The following DLG2 variants were observed in gnomAD, a reference collection of about 807,000 sequenced individuals.
The protein encoded by DLG2 is disks large homolog 2.
Under a neutral mutation model 132.5 loss-of-function variants are expected in DLG2, and 45 were observed. That is an observed-to-expected ratio of 0.34 (90% CI 0.27 to 0.44). The LOEUF (loss-of-function observed/expected upper bound fraction) is 0.44, where lower values mean the gene tolerates loss of function less well. Among genes scored for constraint, DLG2 ranks in the 20% least tolerant of loss-of-function variants. DLG2 has a pLI of 1.00. For synonymous variants in DLG2, 424 were observed against 419.6 expected, an observed-to-expected ratio of 1.01 and a Z score of -0.13; for missense variants, 1,045 against 1,196.9, an observed-to-expected ratio of 0.87 and a Z score of 1.87.
chr11:84,397,529 G>C (rs1394855265), intron 7 of DLG2, among the ~76,000 whole-genome samples: 1 of 152,198 alleles, frequency 6.6e-6, no homozygotes, highest in African/African-American at 2.4e-5. Flanking sequence ...GAAACCACTT[G>C]TGCAATTCTC....
rs566825994 is a variant in DLG2, at chr11:84,319,711, G to A, written c.520-68420C>T. On this transcript the variant is annotated intron_variant, in intron 7 of 27. Coordinates refer to ENST00000376104, the MANE Select transcript of DLG2 (RefSeq NM_001142699.3). Reference sequence around the variant, plus strand: ...TGCGCAATTTCTTCCCATCACAAGGGCCACAGAATTTCTATTTTAATAACT... The same window carrying A: ...TGCGCAATTTCTTCCCATCACAAGGACCACAGAATTTCTATTTTAATAACT... Among the ~76,000 whole-genome samples, 6 of 152,186 alleles carry A rather than the reference G, an allele frequency of 3.9e-5. 1 individual carries two copies. The South Asian group carries it at 1.0e-3, about 26-fold the overall frequency.
intron 19 of DLG2, among the ~76,000 whole-genome samples, chr11:83,613,275 C>A (rs2060364291): frequency 6.6e-6 from 1 of 152,174 alleles, no homozygotes; most frequent in Admixed American, 6.5e-5. Flanking sequence ...CTAGTTGTAC[C>A]TGAATTTACT....
At chr11:83,574,434 TG>T (rs2096843873) in intron 19 of DLG2, among the ~76,000 whole-genome samples, 2 of 152,186 alleles carry the variant, frequency 1.3e-5, no homozygotes, top group East Asian at 3.8e-4. Flanking sequence ...TTTTTAAGGT[TG>T]GAAATAAATG....
intron 11 of DLG2, among the ~76,000 whole-genome samples, chr11:84,006,507 TTTAAGTATTTACAATAAATAC>T (rs964216231): frequency 6.6e-6 from 1 of 150,690 alleles, no homozygotes; most frequent in South Asian, 2.1e-4. Flanking sequence ...TATTTAACAC[TTTAAGTATTTACAATAAATAC>T]TTAAGTATTT....
At chr11:83,483,373 G>A in intron 22 of DLG2, 2 of 1,143,800 alleles carry the variant, frequency 1.7e-6, no homozygotes, top group Admixed American at 3.4e-5. Context: ...AGTCAGTGGA[G>A]TTGAAATGAA....
chr11:83,569,132 A>T (rs1565845232), intron 19 of DLG2, among the ~76,000 whole-genome samples: 1 of 152,196 alleles, frequency 6.6e-6, no homozygotes, highest in African/African-American at 2.4e-5. Flanking sequence ...CTGAAATATC[A>T]TTAATAAATT....
chr11:85,201,213 C>T (rs1470455337), intron 4 of DLG2, among the ~76,000 whole-genome samples: 4 of 152,234 alleles, frequency 2.6e-5, no homozygotes, highest in Non-Finnish European at 4.4e-5. Flanking sequence ...GCCCCACCCA[C>T]TACAGTAGGG....
chr11:83,989,692 AG>A (rs2093593963), intron 11 of DLG2, among the ~76,000 whole-genome samples: 1 of 152,200 alleles, frequency 6.6e-6, no homozygotes, highest in African/African-American at 2.4e-5. Flanking sequence ...TATGTCACAC[AG>A]GGCTAATAAA....
rs1160116150 is a variant in DLG2 at position 84,386,676 on chromosome 11, T to C, written c.520-135385A>G. Among the ~76,000 whole-genome samples the C allele has an allele frequency of 3.3e-5, 5 of 152,268 alleles. No individual in the cohort carries two copies. In the East Asian group the frequency reaches 7.7e-4, roughly 24 times the overall value. ...ACTGTTAGTGCCAGGTCAGGTAATA[T>C]GTTGATGCATTTTTTTCTTTGCAAA... is the stretch of plus-strand genomic sequence containing the variant. On this transcript the variant is annotated intron_variant, in intron 7 of 27. Coordinates refer to ENST00000376104, the MANE Select transcript of DLG2 (RefSeq NM_001142699.3).
At chr11:84,092,281 T>C (rs1595057728) in intron 10 of DLG2, among the ~76,000 whole-genome samples, 2 of 152,212 alleles carry the variant, frequency 1.3e-5, no homozygotes, top group African/African-American at 4.8e-5. Flanking sequence ...GTGGCTGAGG[T>C]TCAGCATTCT....
chr11:83,486,396 C>T (rs1252705251), intron 21 of DLG2: 9 of 560,544 alleles, frequency 1.6e-5, no homozygotes, highest in Non-Finnish European at 2.5e-5. Flanking sequence ...AAAACAATGC[C>T]AAGAGGAGTA....
At chr11:84,361,661 T>C (rs1471943521) in intron 7 of DLG2, among the ~76,000 whole-genome samples, 2 of 152,102 alleles carry the variant, frequency 1.3e-5, no homozygotes, top group Non-Finnish European at 2.9e-5. Context: ...AATATCCAGG[T>C]ACTTATATTT....
intron 17 of DLG2, among the ~76,000 whole-genome samples, chr11:83,787,157 A>T (rs2040154251): frequency 6.6e-6 from 1 of 152,072 alleles, no homozygotes; most frequent in South Asian, 2.1e-4. Flanking sequence ...AGACACATGT[A>T]ATGTAAATAG....
chr11:84,317,125 C>T (rs1343903111), intron 7 of DLG2: 2 of 1,612,424 alleles, frequency 1.2e-6, no homozygotes, highest in Non-Finnish European at 8.5e-7. Context: ...AGCTGTGTTG[C>T]TTGGTGAGGT....
chr11:83,536,207 A>G (rs1225990735), intron 20 of DLG2, among the ~76,000 whole-genome samples: 1 of 152,172 alleles, frequency 6.6e-6, no homozygotes, highest in African/African-American at 2.4e-5. Flanking sequence ...TAAATAAACC[A>G]CAACCAAATT....
chr11:85,283,313 GA>G (rs2078351211), intron 4 of DLG2, among the ~76,000 whole-genome samples: 1 of 151,388 alleles, frequency 6.6e-6, no homozygotes, highest in East Asian at 1.9e-4. Context: ...TCAAGGCAAT[GA>G]AAGCCTAGAA....
At chr11:84,109,321 G>C (rs1457236620) in intron 9 of DLG2, among the ~76,000 whole-genome samples, 1 of 152,122 alleles carries the variant, frequency 6.6e-6, no homozygotes, top group Non-Finnish European at 1.5e-5. Flanking sequence ...TTTTCTGAGT[G>C]ACAGACCTAG....
Position 85,575,728 on chromosome 11 carries a change from A to C in DLG2, c.40+22929T>G, listed in dbSNP as rs78690381. ...TTACTCAAATGTCTTCTTAAATAGG[A>C]CTTTAATAATTACTCTATTTAAAAC... On this transcript the variant is annotated intron_variant, in intron 3 of 27. Coordinates refer to ENST00000376104, the MANE Select transcript of DLG2 (RefSeq NM_001142699.3). 2.5e-3 allele frequency among the ~76,000 whole-genome samples: 380 copies of C among 152,014 alleles called. 4 individuals carry two copies. The highest frequency in any genetic ancestry group is 2.7e-3 in the Non-Finnish European group (186 of 67,982).
intron 7 of DLG2, among the ~76,000 whole-genome samples, chr11:84,500,958 T>C (rs917139041): frequency 3.3e-5 from 5 of 152,276 alleles, no homozygotes; most frequent in South Asian, 2.1e-4. Context: ...TTCTCACTTA[T>C]ATGAAAAAAA....
Sources: gnomAD v4.1 joint callset for allele counts (sites outside exome capture counted in the v4.1 genomes callset) on GRCh38, gnomAD v4.1.1 for gene constraint, MANE v1.5 for transcripts, NCBI Gene and HGNC (gene_info 2026-07-23, HGNC 2026-07-21) for gene names.